SLIT3: variants seen among roughly 807,000 people sequenced by gnomAD.
The protein encoded by SLIT3 is slit guidance ligand 3.
Under a neutral mutation model 184.0 loss-of-function variants are expected in SLIT3, and 68 were observed. The observed-to-expected ratio is 0.37, with a 90% confidence interval of 0.30 to 0.45. The LOEUF is 0.45. Among genes scored for constraint, SLIT3 ranks in the 20% least tolerant of loss-of-function variants. The pLI is 1.00. For synonymous variants in SLIT3, 831 were observed against 828.6 expected, an observed-to-expected ratio of 1.00 and a Z score of -0.05; for missense variants, 1,707 against 2,026.0, an observed-to-expected ratio of 0.84 and a Z score of 3.02.
intron 6 of SLIT3, among the ~76,000 whole-genome samples, chr5:168,840,579 T>G (rs1485798136): frequency 6.6e-6 from 1 of 152,170 alleles, no homozygotes; most frequent in African/African-American, 2.4e-5. Context: ...CAGTGCATCC[T>G]GACCACACAG....
intron 5 of SLIT3, among the ~76,000 whole-genome samples, chr5:168,849,781 T>C (rs1504953): frequency 7.2e-4 from 110 of 152,246 alleles, no homozygotes; most frequent in Non-Finnish European, 1.5e-3. Flanking sequence ...ATGTACATAT[T>C]TGAAGTATTC....
chr5:168,992,146 C>T (rs923942294), intron 4 of SLIT3, among the ~76,000 whole-genome samples: 1 of 152,200 alleles, frequency 6.6e-6, no homozygotes, highest in African/African-American at 2.4e-5. Context: ...CTCTCCTGAG[C>T]CACCCTTCTG....
chr5:168,694,597 C>G (rs893729946), intron 28 of SLIT3, among the ~76,000 whole-genome samples: 1 of 152,078 alleles, frequency 6.6e-6, no homozygotes, highest in African/African-American at 2.4e-5. Flanking sequence ...CTCTCTGTCT[C>G]TCTCTCTTTC....
chr5:168,980,631 G>T (rs1249641985), intron 4 of SLIT3, among the ~76,000 whole-genome samples: 2 of 152,164 alleles, frequency 1.3e-5, no homozygotes, highest in Non-Finnish European at 2.9e-5. Context: ...CCAGAATATT[G>T]CATGCCCTTT....
intron 4 of SLIT3, among the ~76,000 whole-genome samples, chr5:169,025,422 C>T (rs1756778725): frequency 6.6e-6 from 1 of 152,168 alleles, no homozygotes; most frequent in Non-Finnish European, 1.5e-5. Context: ...CTGTTGGGTC[C>T]AGAGAAGAAG....
At chr5:168,728,300 A>ATATATATATC (rs1554135974) in intron 20 of SLIT3, among the ~76,000 whole-genome samples, 1 of 140,306 alleles carries the variant, frequency 7.1e-6, no homozygotes, top group Non-Finnish European at 1.6e-5. Flanking sequence ...ATATATATAT[A>ATATATATATC]TCCTCAGAGA....
At chr5:169,016,112 C>A (rs1222456151) in intron 4 of SLIT3, among the ~76,000 whole-genome samples, 1 of 152,168 alleles carries the variant, frequency 6.6e-6, no homozygotes, top group African/African-American at 2.4e-5. Flanking sequence ...GGGAAGCCAG[C>A]AAATTAGGAA....
chr5:169,181,481 C>T (rs1052802089), intron 4 of SLIT3, among the ~76,000 whole-genome samples: 1 of 152,172 alleles, frequency 6.6e-6, no homozygotes, highest in Non-Finnish European at 1.5e-5. Context: ...GTGGCTCACA[C>T]CTGTAATCCC....
intron 3 of SLIT3, among the ~76,000 whole-genome samples, chr5:169,210,643 G>C (rs1366479746): frequency 6.6e-6 from 1 of 152,260 alleles, no homozygotes; most frequent in Middle Eastern, 3.4e-3. Context: ...GGTGAAACTG[G>C]AGTTGAACAT....
At chr5:169,282,173 A>G (rs1767019633) in intron 1 of SLIT3, among the ~76,000 whole-genome samples, 1 of 152,232 alleles carries the variant, frequency 6.6e-6, no homozygotes, top group African/African-American at 2.4e-5. Context: ...ACCAGCATCT[A>G]TAATTATCTC....
chr5:168,788,453 G>A (rs1754987086), intron 11 of SLIT3, among the ~76,000 whole-genome samples: 2 of 152,178 alleles, frequency 1.3e-5, no homozygotes, highest in Admixed American at 1.3e-4. Context: ...TAGCTGCACG[G>A]AGAGGCAAAA....
chr5:169,178,226 G>A (rs1172288408), intron 4 of SLIT3, among the ~76,000 whole-genome samples: 2 of 152,188 alleles, frequency 1.3e-5, no homozygotes, highest in East Asian at 3.8e-4. Flanking sequence ...TGTCTTCTGT[G>A]ATTCCCCTGT....
At chr5:168,729,609 C>T (rs1763236117) in intron 20 of SLIT3, among the ~76,000 whole-genome samples, 1 of 151,894 alleles carries the variant, frequency 6.6e-6, no homozygotes, top group Admixed American at 6.6e-5. Context: ...GAATTTGCCA[C>T]CACTAGAGCA....
At chr5:168,967,437 C>CCTTTTTTTTTTTTTTTTTT (rs1763237303) in intron 4 of SLIT3, among the ~76,000 whole-genome samples, 1 of 32,732 alleles carries the variant, frequency 3.1e-5, no homozygotes, top group African/African-American at 1.1e-4. Flanking sequence ...CATCTCAAAT[C>CCTTTTTTTTTTTTTTTTTT]TTTTTTTTTT....
intron 8 of SLIT3, among the ~76,000 whole-genome samples, chr5:168,815,079 T>TAA (rs1272104286): frequency 6.6e-6 from 1 of 152,212 alleles, no homozygotes; most frequent in Non-Finnish European, 1.5e-5. Context: ...GCCTTTGGAC[T>TAA]AAATTCTCAT....
chr5:168,988,781 C>G (rs564620316), intron 4 of SLIT3, among the ~76,000 whole-genome samples: 8 of 152,156 alleles, frequency 5.3e-5, no homozygotes, highest in Admixed American at 3.9e-4. Context: ...AGACCCCCCC[C>G]CAGGGGCAGG....
At chr5:169,275,710 T>G (rs1291910363) in intron 1 of SLIT3, among the ~76,000 whole-genome samples, 2 of 152,120 alleles carry the variant, frequency 1.3e-5, no homozygotes, top group East Asian at 3.9e-4. Context: ...TTCACTATCA[T>G]GAGAATAGCA....
rs574487267 is a variant in SLIT3, at chr5:169,182,476, C to T, written c.413+11003G>A. ...CCAAGATACTGAGTCCATAGGAAAG[C>T]CAGAAGAAAGACAAAGTTACAGATG... On this transcript the variant is annotated intron_variant, in intron 4 of 35. Transcript: ENST00000519560. Among the ~76,000 whole-genome samples, 14 of 152,254 alleles carry T rather than the reference C, an allele frequency of 9.2e-5. 1 individual carries two copies. In the South Asian group the frequency reaches 1.7e-3, roughly 18 times the overall value.
chr5:168,825,904 G>A (rs565372365), intron 6 of SLIT3, among the ~76,000 whole-genome samples: 1 of 152,318 alleles, frequency 6.6e-6, no homozygotes, highest in East Asian at 1.9e-4. Context: ...CCATTTCAGA[G>A]TTCTGGGCTC....
Sources: allele counts gnomAD v4.1 joint callset (sites outside exome capture counted in the v4.1 genomes callset), GRCh38; gene constraint gnomAD v4.1.1; transcripts MANE v1.5; gene names NCBI Gene and HGNC (gene_info 2026-07-23, HGNC 2026-07-21).